Variants in WARS1 observed in about 807,000 individuals in gnomAD.
WARS1 encodes the protein tryptophan--tRNA ligase, cytoplasmic.
Under a neutral mutation model 47.8 loss-of-function variants are expected in WARS1, and 17 were observed. That is an observed-to-expected ratio of 0.36 (90% CI 0.24 to 0.53). The LOEUF (loss-of-function observed/expected upper bound fraction) is 0.53. WARS1 is among the 20% of genes least tolerant of loss of function. The probability of loss-of-function intolerance (pLI) is 0.91; values close to 1 mark genes in which losing one functional copy is unlikely to be tolerated. For synonymous variants in WARS1, 208 were observed against 228.1 expected, an observed-to-expected ratio of 0.91 and a Z score of 0.79; for missense variants, 434 against 608.0, an observed-to-expected ratio of 0.71 and a Z score of 3.01.
chr14:100,363,964 T>A (rs1895803981), intron 2 of WARS1, among the ~76,000 whole-genome samples: 1 of 152,232 alleles, frequency 6.6e-6, no homozygotes, highest in East Asian at 1.9e-4. Flanking sequence ...GACACAAGAC[T>A]GTATTACATA....
At chr14:100,376,315 C>G, upstream of WARS1, 1 of 1,124,142 alleles carries the variant, frequency 8.9e-7, no homozygotes, top group Non-Finnish European at 1.1e-6. Flanking sequence ...GTCTCCTGGG[C>G]GTCCGTGGAA....
At chr14:100,338,810 A>G (rs1893926479) in intron 9 of WARS1, among the ~76,000 whole-genome samples, 1 of 151,944 alleles carries the variant, frequency 6.6e-6, no homozygotes, top group African/African-American at 2.4e-5. Flanking sequence ...AGTTTCCTTA[A>G]AAGAATTCCA....
At chr14:100,368,058 T>C (rs963545274) in intron 2 of WARS1, among the ~76,000 whole-genome samples, 4 of 152,152 alleles carry the variant, frequency 2.6e-5, no homozygotes, top group Admixed American at 1.3e-4. Flanking sequence ...AGATGGGCAG[T>C]GTAGGAAGCA....
At chr14:100,343,950 T>G (rs1281273651) in intron 7 of WARS1, among the ~76,000 whole-genome samples, 2 of 152,202 alleles carry the variant, frequency 1.3e-5, no homozygotes, top group African/African-American at 4.8e-5. Flanking sequence ...CCTTTTTCAT[T>G]GTAATGACTA....
intron 4 of WARS1, among the ~76,000 whole-genome samples, chr14:100,357,088 G>A (rs1334263319): frequency 1.3e-5 from 2 of 152,088 alleles, no homozygotes; most frequent in African/African-American, 4.8e-5. Flanking sequence ...CACAGAAAAT[G>A]CATTTGATAA....
At chr14:100,344,255 GGAT>G in intron 7 of WARS1, among the ~76,000 whole-genome samples, 1 of 152,156 alleles carries the variant, frequency 6.6e-6, no homozygotes, top group Non-Finnish European at 1.5e-5. Context: ...ACTGGTTTTC[GGAT>G]TTTTTTGGTG....
chr14:100,346,220 C>T (rs1250227797), intron 7 of WARS1, among the ~76,000 whole-genome samples: 2 of 152,198 alleles, frequency 1.3e-5, no homozygotes, highest in Non-Finnish European at 2.9e-5. Flanking sequence ...ACCATTTGCA[C>T]ATCTGCTGGG....
chr14:100,343,898 G>T (rs1277321649), intron 7 of WARS1, among the ~76,000 whole-genome samples: 1 of 152,218 alleles, frequency 6.6e-6, no homozygotes, highest in South Asian at 2.1e-4. Context: ...CTCCCAAAGT[G>T]CTGGGATTAC....
At chr14:100,374,649 A>G (rs1174354836) in intron 1 of WARS1, 4 of 152,354 alleles carry the variant, frequency 2.6e-5, no homozygotes, top group African/African-American at 7.2e-5. Context: ...GGGTGGCATC[A>G]AGACAGCCAA....
At chr14:100,348,539 C>A (rs994182905) in intron 6 of WARS1, among the ~76,000 whole-genome samples, 3 of 152,310 alleles carry the variant, frequency 2.0e-5, no homozygotes, top group South Asian at 2.1e-4. Context: ...CAACAGAGAG[C>A]AAGAGCACAG....
intron 6 of WARS1, among the ~76,000 whole-genome samples, chr14:100,347,097 G>A (rs1006648175): frequency 2.0e-5 from 3 of 152,238 alleles, no homozygotes; most frequent in African/African-American, 2.4e-5. Flanking sequence ...TGAAACCGAC[G>A]TGAAGCAGAC....
intron 4 of WARS1, among the ~76,000 whole-genome samples, chr14:100,359,440 C>T (rs1300834876): frequency 2.6e-5 from 4 of 152,124 alleles, no homozygotes; most frequent in Admixed American, 2.6e-4. Context: ...TTACATGATC[C>T]CATTTATATA....
At chr14:100,341,319 G>A (rs1894149148) in intron 9 of WARS1, among the ~76,000 whole-genome samples, 1 of 152,164 alleles carries the variant, frequency 6.6e-6, no homozygotes, top group Non-Finnish European at 1.5e-5. Context: ...CGGAAGTTTT[G>A]GCCAGAAGTG....
intron 1 of WARS1, among the ~76,000 whole-genome samples, chr14:100,369,883 T>G (rs1054708136): frequency 6.6e-6 from 1 of 151,970 alleles, no homozygotes; most frequent in Non-Finnish European, 1.5e-5. Flanking sequence ...AGGCTGGTCT[T>G]GAACTTCTGA....
intron 7 of WARS1, among the ~76,000 whole-genome samples, chr14:100,345,057 A>T (rs1275630847): frequency 2.1e-5 from 3 of 146,194 alleles, no homozygotes; most frequent in Non-Finnish European, 4.5e-5. Flanking sequence ...TGGCGGGGTC[A>T]GCCCCCCGCC....
intron 6 of WARS1, among the ~76,000 whole-genome samples, chr14:100,349,746 G>T (rs1039757062): frequency 6.6e-6 from 1 of 152,230 alleles, no homozygotes; most frequent in African/African-American, 2.4e-5. Flanking sequence ...CCGTTCTGGG[G>T]CCATGTGCAA....
At chr14:100,371,922 A>G (rs1896376472) in intron 1 of WARS1, among the ~76,000 whole-genome samples, 1 of 152,122 alleles carries the variant, frequency 6.6e-6, no homozygotes, top group South Asian at 2.1e-4. Context: ...GCACGTACAC[A>G]TCCAGATGGC....
At position 100,334,037 on chromosome 14, in the gene WARS1, T is replaced by C. The variant is rs1396263896; in HGVS notation, c.*838A>G. On this transcript the variant is annotated 3_prime_UTR_variant, in exon 11 of 11. Coordinates refer to ENST00000392882, the MANE Select transcript of WARS1 (RefSeq NM_004184.4). Reference sequence around the variant, plus strand: ...AGCCAGGGCACTGCTCTGTGCTGACTTCCACTGCAGCCAAGGGTCAAAATG... The same window carrying C: ...AGCCAGGGCACTGCTCTGTGCTGACCTCCACTGCAGCCAAGGGTCAAAATG... The C allele has an allele frequency of 6.5e-6, 1 of 152,692 alleles. No homozygotes were observed. Among genetic ancestry groups the C allele is most frequent in the Non-Finnish European group, 1.5e-5 (1 of 68,070 alleles). The allele number at this position is 152,692 out of a possible 1,614,324, so 9.5% of individuals were successfully genotyped here. A position where few individuals can be genotyped will look rare whatever the true frequency, so the allele number is the denominator to read the frequency against.
At position 100,343,389 on chromosome 14, in the gene WARS1, T is replaced by C; in HGVS notation, c.827-2A>G. 1 of 1,608,856 alleles carries C rather than the reference T, an allele frequency of 6.2e-7. No homozygotes were observed. The highest frequency in any genetic ancestry group is 8.5e-7 in the Non-Finnish European group (1 of 1,176,796). On this transcript the variant is annotated splice_acceptor_variant, in intron 7 of 10. Coordinates refer to ENST00000392882, the MANE Select transcript of WARS1 (RefSeq NM_004184.4). LOFTEE classifies it high-confidence loss of function. ...GGATGGCAGGAAAACTGATCTTCCC[T>C]GAAAATGAGAAAAAGTATTTTTACA...
Sources: gnomAD v4.1 joint callset for allele counts (sites outside exome capture counted in the v4.1 genomes callset) on GRCh38, gnomAD v4.1.1 for gene constraint, MANE v1.5 for transcripts, NCBI Gene and HGNC (gene_info 2026-07-23, HGNC 2026-07-21) for gene names.